Variants in SCN9A observed in about 807,000 individuals in gnomAD.
The protein encoded by SCN9A is sodium voltage-gated channel alpha subunit 9, also known as sodium channel protein type 9 subunit alpha.
In SCN9A, 131 loss-of-function variants were observed where a neutral mutation model predicts 187.0. That is an observed-to-expected ratio of 0.70 (90% CI 0.61 to 0.81). The LOEUF (loss-of-function observed/expected upper bound fraction) is 0.81, where lower values mean the gene tolerates loss of function less well. Ranked by LOEUF, SCN9A falls within the 30% of genes least tolerant of loss-of-function variation. SCN9A has a pLI of 0.00. For missense variants in SCN9A, 2,252 were observed against 2,396.6 expected (o/e 0.94, Z 1.26); for synonymous variants, 809 against 808.6 (o/e 1.00, Z -0.01).
In SCN9A at chr2:166,284,514, A is replaced by G; in HGVS notation, c.1913T>C (p.Met638Thr). 2 of 1,614,122 alleles carry G rather than the reference A, an allele frequency of 1.2e-6. No individual in the cohort carries two copies. The highest frequency in any genetic ancestry group is 1.7e-6 in the Non-Finnish European group (2 of 1,180,000). The change falls in exon 12 of 27, where the codon ATG (methionine) becomes ACG (threonine). Residue 638 changes from methionine to threonine, a missense_variant. This residue lies in a region of SCN9A where 1,013 missense variants were observed against 997.4 expected (regional missense o/e 1.02). Coordinates refer to ENST00000642356, the MANE Select transcript of SCN9A (RefSeq NM_001365536.1). ...TGGCAGAAGCTGTCCATTGGGGAGC[A>G]TGAGGGCTGAGCGTCCATCAACCAG... ...VSLVDGRSAL[M>T]LPNGQLLPEV...
rs550634675 is a variant in SCN9A, at chr2:166,273,240, T to A, written c.2875-365A>T. On this transcript the variant is annotated intron_variant, in intron 16 of 26. Coordinates refer to ENST00000642356, the MANE Select transcript of SCN9A (RefSeq NM_001365536.1). Reference sequence around the variant, plus strand: ...CTTTTATGAACCCAAAAAACTCTCCTAGCATTCATCTATCATTACTCTTTA... The same window carrying A: ...CTTTTATGAACCCAAAAAACTCTCCAAGCATTCATCTATCATTACTCTTTA... Among the ~76,000 whole-genome samples, 5 of 152,240 alleles carry A rather than the reference T, an allele frequency of 3.3e-5. No individual in the cohort carries two copies. The South Asian group carries it at 1.0e-3, about 32-fold the overall frequency.
intron 19 of SCN9A, among the ~76,000 whole-genome samples, chr2:166,239,222 C>CAAA (rs1224250762): frequency 6.7e-5 from 1 of 15,024 alleles, no homozygotes; most frequent in Non-Finnish European, 2.4e-4. Flanking sequence ...GACTCTGTCT[C>CAAA]AAAAAAAAAA....
chr2:166,271,314 A>C (rs1467289337), intron 17 of SCN9A, among the ~76,000 whole-genome samples: 3 of 152,116 alleles, frequency 2.0e-5, no homozygotes, highest in African/African-American at 7.2e-5. Flanking sequence ...TTAACGTGTT[A>C]ATTCATTTAA....
At chr2:166,270,817 A>T (rs1696948379) in intron 17 of SCN9A, among the ~76,000 whole-genome samples, 1 of 151,072 alleles carries the variant, frequency 6.6e-6, no homozygotes, top group Non-Finnish European at 1.5e-5. Context: ...TCGTTTTCCA[A>T]GTCCACTATA....
intron 18 of SCN9A, chr2:166,248,258 G>GTAGAC (rs1335003061): frequency 2.0e-5 from 3 of 152,162 alleles, no homozygotes; most frequent in Admixed American, 1.3e-4. Context: ...CCCAGCTCTT[G>GTAGAC]TAGACCAATT....
intron 9 of SCN9A, 56 bp downstream of exon 9, chr2:166,293,175 T>C: frequency 5.4e-6 from 8 of 1,493,006 alleles, no homozygotes; most frequent in African/African-American, 1.4e-5. Context: ...GCTCTTAACA[T>C]ACACCAGGTA....
intron 12 of SCN9A, among the ~76,000 whole-genome samples, chr2:166,282,067 A>C (rs1184702768): frequency 6.6e-6 from 1 of 152,222 alleles, no homozygotes; most frequent in Admixed American, 6.5e-5. Context: ...AATATTTATG[A>C]GATAAAAAAT....
intron 17 of SCN9A, among the ~76,000 whole-genome samples, chr2:166,264,192 T>C (rs1261073271): frequency 2.0e-5 from 3 of 152,116 alleles, no homozygotes; most frequent in East Asian, 1.9e-4. Flanking sequence ...GCTTAGAGCA[T>C]AGTAAGGTGT....
At chr2:166,250,125 A>G (rs1465055914) in intron 18 of SCN9A, among the ~76,000 whole-genome samples, 2 of 152,114 alleles carry the variant, frequency 1.3e-5, no homozygotes, top group African/African-American at 4.8e-5. Flanking sequence ...AAGAAAATCC[A>G]TGCACTCTTT....
At chr2:166,292,571 T>C (rs1455886282) in intron 9 of SCN9A, among the ~76,000 whole-genome samples, 1 of 152,040 alleles carries the variant, frequency 6.6e-6, no homozygotes, top group East Asian at 1.9e-4. Context: ...TGAATCATTG[T>C]TATGTGTACT....
intron 21 of SCN9A, among the ~76,000 whole-genome samples, chr2:166,230,060 G>A (rs898221232): frequency 3.9e-5 from 6 of 152,106 alleles, no homozygotes; most frequent in South Asian, 4.1e-4. Flanking sequence ...TAGGGAGAAG[G>A]TTTGCAAACA....
intron 24 of SCN9A, chr2:166,205,215 G>T (rs756989091): frequency 2.0e-5 from 3 of 152,154 alleles, no homozygotes; most frequent in Admixed American, 6.6e-5. Context: ...ATAATCCTAA[G>T]CAAAAAGAAC....
At chr2:166,275,896 C>A (rs911036606) in intron 16 of SCN9A, among the ~76,000 whole-genome samples, 1 of 152,098 alleles carries the variant, frequency 6.6e-6, no homozygotes, top group African/African-American at 2.4e-5. Flanking sequence ...ACTTCTGAAT[C>A]CTCTTTTTAT....
At chr2:166,315,668 C>T (rs1234384333) in intron 1 of SCN9A, among the ~76,000 whole-genome samples, 1 of 152,138 alleles carries the variant, frequency 6.6e-6, no homozygotes, top group Non-Finnish European at 1.5e-5. Context: ...CTTTAGTTGG[C>T]ATCTGAGTTT....
intron 7 of SCN9A, chr2:166,298,750 A>C (rs547766728): frequency 6.6e-6 from 1 of 152,358 alleles, no homozygotes; most frequent in East Asian, 1.9e-4. Context: ...CAGTCTACAC[A>C]TAATCTGGCA....
chr2:166,222,962 A>AAC (rs1558960954), intron 24 of SCN9A, among the ~76,000 whole-genome samples: 1 of 147,472 alleles, frequency 6.8e-6, no homozygotes, highest in Non-Finnish European at 1.5e-5. Context: ...AAAAAAAAAA[A>AAC]AAAAAAAAAA....
chr2:166,370,881 C>A (rs1056477679), intron 1 of SCN9A, among the ~76,000 whole-genome samples: 2 of 151,326 alleles, frequency 1.3e-5, no homozygotes, highest in Non-Finnish European at 2.9e-5. Flanking sequence ...TGTAAATGTA[C>A]ACACTCTTTC....
At chr2:166,297,887 T>C (rs1206046444) in intron 7 of SCN9A, among the ~76,000 whole-genome samples, 2 of 151,576 alleles carry the variant, frequency 1.3e-5, no homozygotes, top group African/African-American at 4.8e-5. Flanking sequence ...AAAATTGATA[T>C]AACAAAAATA....
chr2:166,237,933 C>A (rs763205211), intron 20 of SCN9A, among the ~76,000 whole-genome samples, 161 bp downstream of exon 20: 1 of 152,170 alleles, frequency 6.6e-6, no homozygotes, highest in Non-Finnish European at 1.5e-5. Context: ...AGATATATTT[C>A]CACTGGCTGT....
Sources: allele counts gnomAD v4.1 joint callset (sites outside exome capture counted in the v4.1 genomes callset), GRCh38; gene constraint gnomAD v4.1.1; regional missense constraint gnomAD v4.1.1; transcripts MANE v1.5; gene names NCBI Gene and HGNC (gene_info 2026-07-23, HGNC 2026-07-21).